SLC24A3: variants seen among roughly 807,000 people sequenced by gnomAD.
SLC24A3 encodes the protein sodium/potassium/calcium exchanger 3.
A neutral mutation model predicts 75.8 loss-of-function variants in SLC24A3; 28 were observed. That is an observed-to-expected ratio of 0.37 (90% CI 0.27 to 0.51). The LOEUF is 0.51. SLC24A3 is among the 20% of genes least tolerant of loss of function. The pLI, the probability that SLC24A3 is intolerant of heterozygous loss-of-function variation, is 0.94. For synonymous variants in SLC24A3, 372 were observed against 334.1 expected, an observed-to-expected ratio of 1.11 and a Z score of -1.24; for missense variants, 663 against 847.8, an observed-to-expected ratio of 0.78 and a Z score of 2.71.
intron 3 of SLC24A3, among the ~76,000 whole-genome samples, chr20:19,549,267 G>C (rs924905552): frequency 6.6e-6 from 1 of 152,192 alleles, no homozygotes; most frequent in Admixed American, 6.5e-5. Context: ...AAGAGCATCA[G>C]TTTTTGGTAG....
Position 19,270,493 on chromosome 20 carries a change from G to A in SLC24A3, c.143-10466G>A, listed in dbSNP as rs150788635. 2.4e-3 allele frequency among the ~76,000 whole-genome samples: 361 copies of A among 152,282 alleles called. 3 individuals are homozygous for A. The highest frequency in any genetic ancestry group is 8.5e-3 in the African/African-American group (352 of 41,546). ...GGAAGCCTAAGGTCAGGGTGCCAGC[G>A]TGGTCAGGTTCTGGTGAGGGCCCTC... On this transcript the variant is annotated intron_variant, in intron 1 of 16. Coordinates refer to ENST00000328041, the MANE Select transcript of SLC24A3 (RefSeq NM_020689.4).
intron 6 of SLC24A3, among the ~76,000 whole-genome samples, chr20:19,620,283 A>T (rs80015801): frequency 6.6e-6 from 1 of 152,326 alleles, no homozygotes; most frequent in East Asian, 1.9e-4. Flanking sequence ...AAAAGAAATG[A>T]TGATTGGGGA....
chr20:19,384,065 A>G (rs536307361), intron 2 of SLC24A3, among the ~76,000 whole-genome samples: 142 of 152,344 alleles, frequency 9.3e-4, no homozygotes, highest in African/African-American at 3.2e-3. Context: ...ACAAAATTAT[A>G]TATGTTTAAG....
intron 6 of SLC24A3, among the ~76,000 whole-genome samples, chr20:19,645,384 G>T (rs770479559): frequency 1.3e-5 from 2 of 152,154 alleles, no homozygotes; most frequent in Non-Finnish European, 2.9e-5. Flanking sequence ...AATTATTTTA[G>T]ATCAGGGATC....
intron 6 of SLC24A3, among the ~76,000 whole-genome samples, chr20:19,650,900 C>T (rs1275563543): frequency 1.3e-5 from 2 of 152,154 alleles, no homozygotes; most frequent in Admixed American, 1.3e-4. Flanking sequence ...AAATTATCAA[C>T]TGTTTCATCA....
chr20:19,629,213 TAA>T, intron 6 of SLC24A3, among the ~76,000 whole-genome samples: 1 of 151,288 alleles, frequency 6.6e-6, no homozygotes, highest in East Asian at 1.9e-4. Flanking sequence ...AAAGAAACTA[TAA>T]AAAAGAACTA....
chr20:19,569,785 G>T (rs540035851), intron 3 of SLC24A3, among the ~76,000 whole-genome samples: 3 of 152,108 alleles, frequency 2.0e-5, no homozygotes, highest in Non-Finnish European at 2.9e-5. Flanking sequence ...CAGCAACTCC[G>T]TGTCCTCTTG....
chr20:19,537,785 A>G (rs1256506972), intron 3 of SLC24A3, among the ~76,000 whole-genome samples: 1 of 151,160 alleles, frequency 6.6e-6, no homozygotes, highest in Non-Finnish European at 1.5e-5. Flanking sequence ...AGGACAAAAA[A>G]CCAAACACTG....
chr20:19,574,912 C>T (rs1600286143), intron 3 of SLC24A3, among the ~76,000 whole-genome samples: 1 of 152,094 alleles, frequency 6.6e-6, no homozygotes, highest in East Asian at 1.9e-4. Context: ...TTGCTTTTAG[C>T]AGCTGCTTGT....
intron 15 of SLC24A3, among the ~76,000 whole-genome samples, chr20:19,700,075 T>C (rs549957615): frequency 6.6e-6 from 1 of 152,186 alleles, no homozygotes; most frequent in African/African-American, 2.4e-5. Flanking sequence ...CCTGGAGGTA[T>C]GCAAGGATTA....
intron 3 of SLC24A3, among the ~76,000 whole-genome samples, chr20:19,543,349 C>T (rs1446440685): frequency 6.6e-6 from 1 of 152,188 alleles, no homozygotes; most frequent in Non-Finnish European, 1.5e-5. Flanking sequence ...AGAAAGTGAG[C>T]TTTGTTTTGA....
intron 2 of SLC24A3, among the ~76,000 whole-genome samples, chr20:19,350,571 A>G (rs1270427938): frequency 6.6e-6 from 1 of 152,202 alleles, no homozygotes; most frequent in Non-Finnish European, 1.5e-5. Flanking sequence ...CCAGACATCA[A>G]TAGTCAATTG....
At chr20:19,308,822 C>T (rs1386159818) in intron 2 of SLC24A3, among the ~76,000 whole-genome samples, 1 of 152,142 alleles carries the variant, frequency 6.6e-6, no homozygotes, top group Admixed American at 6.5e-5. Flanking sequence ...GTGCAGTTCC[C>T]TCCACATCTA....
intron 2 of SLC24A3, among the ~76,000 whole-genome samples, chr20:19,382,875 C>T (rs1197671595): frequency 5.9e-5 from 9 of 152,188 alleles, no homozygotes; most frequent in Non-Finnish European, 8.8e-5. Context: ...CAAGTCTGGC[C>T]GCCCCATGTC....
chr20:19,337,465 TAAATA>T (rs1568593273), intron 2 of SLC24A3, among the ~76,000 whole-genome samples: 15 of 133,966 alleles, frequency 1.1e-4, no homozygotes, highest in African/African-American at 3.4e-4. Flanking sequence ...AATAAATAAA[TAAATA>T]AATTAATTAA....
intron 2 of SLC24A3, among the ~76,000 whole-genome samples, chr20:19,461,337 A>G (rs1223560333): frequency 6.6e-6 from 1 of 152,176 alleles, no homozygotes; most frequent in African/African-American, 2.4e-5. Context: ...AAATGGGAAA[A>G]GAAAAAGAAA....
intron 3 of SLC24A3, among the ~76,000 whole-genome samples, chr20:19,532,924 G>T (rs1000111127): frequency 6.6e-6 from 1 of 152,200 alleles, no homozygotes; most frequent in African/African-American, 2.4e-5. Flanking sequence ...CAACAGAGAC[G>T]CTGATCAAGC....
At chr20:19,470,086 GC>G (rs1987842954) in intron 2 of SLC24A3, among the ~76,000 whole-genome samples, 1 of 152,160 alleles carries the variant, frequency 6.6e-6, no homozygotes, top group Non-Finnish European at 1.5e-5. Context: ...AAGATGCCCT[GC>G]CACCTGTGTT....
chr20:19,457,601 A>G (rs1169033063), intron 2 of SLC24A3, among the ~76,000 whole-genome samples: 1 of 152,218 alleles, frequency 6.6e-6, no homozygotes, highest in Non-Finnish European at 1.5e-5. Context: ...CAGTAGTGGA[A>G]GCTTTCTAAT....
Sources: allele counts gnomAD v4.1 joint callset (sites outside exome capture counted in the v4.1 genomes callset), GRCh38; gene constraint gnomAD v4.1.1; transcripts MANE v1.5; gene names NCBI Gene and HGNC (gene_info 2026-07-23, HGNC 2026-07-21).